NAV2: variants seen among roughly 807,000 people sequenced by gnomAD.
The protein encoded by NAV2 is neuron navigator 2.
Under a neutral mutation model 223.2 loss-of-function variants are expected in NAV2, and 54 were observed. That is an observed-to-expected ratio of 0.24 (90% confidence interval 0.19 to 0.30). The LOEUF (loss-of-function observed/expected upper bound fraction) is 0.30. Ranked by LOEUF, NAV2 falls within the 10% of genes least tolerant of loss-of-function variation. The pLI is 1.00. For synonymous variants in NAV2, 1,279 were observed against 1,239.3 expected, an observed-to-expected ratio of 1.03 and a Z score of -0.67; for missense variants, 2,806 against 3,147.5, an observed-to-expected ratio of 0.89 and a Z score of 2.60.
At chr11:19,577,438 G>A (rs905281977) in intron 1 of NAV2, among the ~76,000 whole-genome samples, 3 of 152,234 alleles carry the variant, frequency 2.0e-5, no homozygotes, top group Non-Finnish European at 2.9e-5. Context: ...CCACGAGGGC[G>A]CAGCCATCTG....
At chr11:19,821,761 C>A (rs1455265837) in intron 1 of NAV2, among the ~76,000 whole-genome samples, 1 of 152,212 alleles carries the variant, frequency 6.6e-6, no homozygotes, top group African/African-American at 2.4e-5. Context: ...TCCTGAGTGA[C>A]AAGTGGCCAG....
chr11:19,611,157 T>C (rs1159625448), intron 1 of NAV2, among the ~76,000 whole-genome samples: 4 of 152,072 alleles, frequency 2.6e-5, no homozygotes. Context: ...GATAAACCCA[T>C]CAGATCTCGT....
Position 20,052,064 on chromosome 11 carries a change from C to T in NAV2, c.4481+731C>T, listed in dbSNP as rs2058046711. On this transcript the variant is annotated intron_variant, in intron 17 of 37. Transcript: ENST00000349880. ...GAGAAAATTCAGTTTGCTAATGCCTCCCCTGTGATCTTGCTGTCTTATGGT... is the reference window on the plus strand; with the variant it reads ...GAGAAAATTCAGTTTGCTAATGCCTTCCCTGTGATCTTGCTGTCTTATGGT... 3.3e-5 allele frequency among the ~76,000 whole-genome samples: 5 copies of T among 152,218 alleles called. No individual in the cohort carries two copies. In the South Asian group the frequency reaches 1.0e-3, roughly 31 times the overall value.
intron 11 of NAV2, among the ~76,000 whole-genome samples, chr11:19,989,619 T>C (rs2051131938): frequency 6.6e-6 from 1 of 152,194 alleles, no homozygotes; most frequent in African/African-American, 2.4e-5. Flanking sequence ...TATCAGAAGG[T>C]AATAAAACCA....
intron 1 of NAV2, among the ~76,000 whole-genome samples, chr11:19,609,100 CT>C (rs2046560542): frequency 1.3e-5 from 2 of 152,216 alleles, no homozygotes; most frequent in Admixed American, 6.5e-5. Flanking sequence ...TGCAAAATTA[CT>C]TTTGTCATAA....
rs76488733 is a variant in NAV2, at chr11:19,678,937, C to T, written c.76-153547C>T. Among the ~76,000 whole-genome samples, 439 of 152,310 alleles carry T rather than the reference C, an allele frequency of 2.9e-3. 1 individual carries two copies. Among genetic ancestry groups the T allele is most frequent in the African/African-American group, 0.01 (418 of 41,572 alleles). On this transcript the variant is annotated intron_variant, in intron 1 of 37. Coordinates refer to the NAV2 transcript ENST00000360655. The stretch of plus-strand genomic sequence containing the variant: ...ACCTCCACGAGCTAAACCGACCTCT[C>T]TCAGGCCAGATCAGCTGTGGCATCT...
chr11:19,569,297 G>A (rs2045358094), intron 1 of NAV2, among the ~76,000 whole-genome samples: 1 of 152,020 alleles, frequency 6.6e-6, no homozygotes, highest in Non-Finnish European at 1.5e-5. Flanking sequence ...CATTTTGCAG[G>A]GCTCAGCTCA....
chr11:19,381,603 T>G (rs1848839676), intron 1 of NAV2, among the ~76,000 whole-genome samples: 1 of 151,830 alleles, frequency 6.6e-6, no homozygotes, highest in Non-Finnish European at 1.5e-5. Context: ...GCATGGATAG[T>G]GAGGTGGGGA....
chr11:20,116,239 A>C (rs1362517173), intron 37 of NAV2, among the ~76,000 whole-genome samples: 2 of 152,234 alleles, frequency 1.3e-5, no homozygotes, highest in Non-Finnish European at 2.9e-5. Flanking sequence ...TTCTATTCCT[A>C]GCAGCTAATT....
chr11:20,021,955 A>G (rs2054547325), intron 11 of NAV2, among the ~76,000 whole-genome samples: 1 of 152,160 alleles, frequency 6.6e-6, no homozygotes, highest in South Asian at 2.1e-4. Flanking sequence ...CTGACCACAC[A>G]GAGACCTCGC....
Position 19,529,594 on chromosome 11 carries a change from TC to T in NAV2, c.75+178571del, listed in dbSNP as rs1254569860. On this transcript the variant is annotated intron_variant, in intron 1 of 37. Coordinates refer to the NAV2 transcript ENST00000360655. Reference sequence around the variant, plus strand: ...GTCTTTATGTCCTTTGGGGCCTGTCTCCCCACCTGGGATATAAGTCCCAGGG... The same window carrying T: ...GTCTTTATGTCCTTTGGGGCCTGTCTCCCACCTGGGATATAAGTCCCAGGG... 2.0e-5 allele frequency among the ~76,000 whole-genome samples: 3 copies of T among 152,190 alleles called. No individual in the cohort carries two copies. The East Asian group carries it at 5.8e-4, about 29-fold the overall frequency.
At chr11:19,399,335 A>C (rs190453371) in intron 1 of NAV2, among the ~76,000 whole-genome samples, 2 of 152,360 alleles carry the variant, frequency 1.3e-5, no homozygotes, top group East Asian at 3.9e-4. Flanking sequence ...CAGCTCTGAC[A>C]CTACCAGTAT....
At chr11:19,404,124 C>T (rs539615076) in intron 1 of NAV2, among the ~76,000 whole-genome samples, 29 of 152,072 alleles carry the variant, frequency 1.9e-4, no homozygotes, top group African/African-American at 6.8e-4. Flanking sequence ...GTACAGGGTG[C>T]GAGACAGAGA....
chr11:19,488,194 G>A lies in NAV2; in HGVS notation c.75+137167G>A, dbSNP rs902531615. On this transcript the variant is annotated intron_variant, in intron 1 of 37. Coordinates refer to the NAV2 transcript ENST00000360655. ...TGGGTTGGTGAATCAGAACTGCAAG[G>A]TTTCTGGGACCACTGCCCTCCTCCA... is the stretch of plus-strand genomic sequence containing the variant. Among the ~76,000 whole-genome samples, 3 of 152,188 alleles carry A rather than the reference G, an allele frequency of 2.0e-5. No homozygotes were observed. The South Asian group carries it at 6.2e-4, about 32-fold the overall frequency.
At chr11:19,864,380 T>A (rs1047223726) in intron 3 of NAV2, among the ~76,000 whole-genome samples, 3 of 152,210 alleles carry the variant, frequency 2.0e-5, no homozygotes, top group Non-Finnish European at 4.4e-5. Flanking sequence ...CCATGACAAC[T>A]GCCACAACAG....
intron 6 of NAV2, among the ~76,000 whole-genome samples, chr11:19,921,775 T>C (rs2044293287): frequency 6.6e-6 from 1 of 152,196 alleles, no homozygotes; most frequent in Admixed American, 6.5e-5. Flanking sequence ...ACTGGTAAAA[T>C]GGGATCATTA....
chr11:19,475,281 C>A (rs2042083039), intron 1 of NAV2, among the ~76,000 whole-genome samples: 1 of 152,194 alleles, frequency 6.6e-6, no homozygotes, highest in Admixed American at 6.5e-5. Flanking sequence ...CCTCTTGTTT[C>A]TCAGAATGAA....
chr11:19,537,979 C>T (rs544726568), intron 1 of NAV2, among the ~76,000 whole-genome samples: 2 of 152,296 alleles, frequency 1.3e-5, no homozygotes, highest in Non-Finnish European at 2.9e-5. Context: ...AAATGAGTAA[C>T]TTACCAAGGT....
rs1334664502 is a variant in NAV2 at position 19,541,298 on chromosome 11, A to G, written c.75+190271A>G. On this transcript the variant is annotated intron_variant, in intron 1 of 37. Coordinates refer to the NAV2 transcript ENST00000360655. ...CGGCATCTACTATCCCACCCTTTCTACCAAAAATGTGACCTGCTTTCCCAT... is the reference window on the plus strand; with the variant it reads ...CGGCATCTACTATCCCACCCTTTCTGCCAAAAATGTGACCTGCTTTCCCAT... Among the ~76,000 whole-genome samples, 6 of 152,320 alleles carry G rather than the reference A, an allele frequency of 3.9e-5. No individual in the cohort carries two copies. In the East Asian group the frequency reaches 1.2e-3, roughly 29 times the overall value.
Sources: allele counts gnomAD v4.1 joint callset (sites outside exome capture counted in the v4.1 genomes callset), GRCh38; gene constraint gnomAD v4.1.1; transcripts MANE v1.5; gene names NCBI Gene and HGNC (gene_info 2026-07-23, HGNC 2026-07-21).